NDUFAF6: variants seen among roughly 807,000 people sequenced by gnomAD.
NDUFAF6 encodes NADH:ubiquinone oxidoreductase complex assembly factor 6, also known as NADH dehydrogenase (ubiquinone) complex I, assembly factor 6.
In NDUFAF6, 45 loss-of-function variants were observed where a neutral mutation model predicts 40.8. The ratio of observed to expected loss-of-function variants is 1.10; its 90% CI spans 0.87 to 1.42. The LOEUF is 1.42. Among genes scored for constraint, NDUFAF6 ranks in the 40% most tolerant of loss-of-function variants. The probability of loss-of-function intolerance (pLI) is 0.00; values close to 1 mark genes in which losing one functional copy is unlikely to be tolerated. For missense variants in NDUFAF6, 435 were observed against 418.5 expected (o/e 1.04, Z -0.34); for synonymous variants, 185 against 155.9 (o/e 1.19, Z -1.39).
intron 1 of NDUFAF6, among the ~76,000 whole-genome samples, chr8:94,931,141 C>T (rs1480763796): frequency 1.8e-4 from 28 of 152,094 alleles, no homozygotes; most frequent in Non-Finnish European, 5.9e-5. Flanking sequence ...TATTTTAATT[C>T]CCAAATTTTA....
chr8:95,057,947 A>T lies in NDUFAF6; in HGVS notation c.*10A>T. The stretch of plus-strand genomic sequence containing the variant: ...GAGAAAAACATATTAAAATAATTTC[A>T]TGGCATTGATGTTAATTCTAGTCTA... On this transcript the variant is annotated 3_prime_UTR_variant, in exon 9 of 9. Coordinates refer to ENST00000396124, the MANE Select transcript of NDUFAF6 (RefSeq NM_152416.4). 6.6e-7 allele frequency: 1 copy of T among 1,516,950 alleles called. No homozygotes were observed. Among genetic ancestry groups the T allele is most frequent in the Non-Finnish European group, 9.1e-7 (1 of 1,093,446 alleles). The allele number at this position is 1,516,950 out of a possible 1,614,324, so 94.0% of individuals were successfully genotyped here. A position where few individuals can be genotyped will look rare whatever the true frequency, so the allele number is the denominator to read the frequency against.
intron 2 of NDUFAF6, among the ~76,000 whole-genome samples, chr8:95,032,370 G>T (rs1828955952): frequency 6.6e-6 from 1 of 152,142 alleles, no homozygotes; most frequent in Non-Finnish European, 1.5e-5. Context: ...TTGCACATTT[G>T]TCTGCTAATT....
At chr8:94,968,376 A>G (rs1005902933) in intron 1 of NDUFAF6, among the ~76,000 whole-genome samples, 3 of 152,216 alleles carry the variant, frequency 2.0e-5, no homozygotes, top group Non-Finnish European at 4.4e-5. Context: ...CAGGGGTGAT[A>G]AGTGCTAGGA....
At position 95,086,768 on chromosome 8, in the gene NDUFAF6, A is replaced by C. The variant is rs1336984850; in HGVS notation, n.213+11016A>C. Among the ~76,000 whole-genome samples the C allele has an allele frequency of 2.0e-5, 3 of 151,312 alleles. No homozygotes were observed. In the East Asian group the frequency reaches 5.8e-4, roughly 29 times the overall value. On this transcript the variant is annotated intron_variant and non_coding_transcript_variant, in intron 2 of 5. Coordinates refer to the NDUFAF6 transcript ENST00000523184. The stretch of plus-strand genomic sequence containing the variant: ...AGGCGCCCCCCACCACGCCCGGCTA[A>C]TTTTTTTTGTATTTTTAGTAGAGAC...
intron 1 of NDUFAF6, among the ~76,000 whole-genome samples, chr8:94,921,515 A>T (rs1297376752): frequency 6.6e-6 from 1 of 152,214 alleles, no homozygotes; most frequent in Admixed American, 6.5e-5. Context: ...CCTAGAAGAA[A>T]ATTGGGATAC....
intron 2 of NDUFAF6, among the ~76,000 whole-genome samples, chr8:95,011,083 GC>G (rs1288563400): frequency 6.6e-6 from 1 of 152,174 alleles, no homozygotes; most frequent in Non-Finnish European, 1.5e-5. Flanking sequence ...CAAAGCTGAT[GC>G]TAGTCCTTAG....
intron 1 of NDUFAF6, among the ~76,000 whole-genome samples, chr8:94,914,743 C>A (rs987678433): frequency 6.6e-6 from 1 of 151,918 alleles, no homozygotes; most frequent in East Asian, 1.9e-4. Context: ...ATGGTGAAAC[C>A]CCGTCTCTAC....
At chr8:95,075,649 A>T (rs746299832) in exon 10 of NDUFAF6, 1 of 1,288,360 alleles carries the variant, frequency 7.8e-7, no homozygotes, top group African/African-American at 1.5e-5. Flanking sequence ...AAGGATGCAG[A>T]CACTCAGGGC....
chr8:94,929,144 A>G (rs1170690094), intron 1 of NDUFAF6: 1 of 152,640 alleles, frequency 6.6e-6, no homozygotes, highest in African/African-American at 2.4e-5. Context: ...AACACTGTGA[A>G]GAACAGCTGT....
chr8:94,909,461 C>T (rs1401062922), intron 1 of NDUFAF6, among the ~76,000 whole-genome samples: 1 of 146,402 alleles, frequency 6.8e-6, no homozygotes, highest in African/African-American at 2.6e-5. Context: ...CCCGTCTGTA[C>T]TAAAAATACA....
At chr8:95,100,051 A>T (rs10093559), upstream of NDUFAF6, among the ~76,000 whole-genome samples, 34,587 of 152,042 alleles carry the variant, frequency 0.23, 4,947 homozygotes, top group African/African-American at 0.41. Context: ...GAGTTGAACA[A>T]GGATTAGCCT....
At chr8:95,101,750 A>G (rs926642540) in intron 2 of NDUFAF6, among the ~76,000 whole-genome samples, 3 of 152,176 alleles carry the variant, frequency 2.0e-5, no homozygotes, top group Admixed American at 1.3e-4. Flanking sequence ...GGCTTCTGTA[A>G]TCAGGATTCT....
rs529002970 is a variant in NDUFAF6, at chr8:95,035,691, T to C, written c.420+115T>C. On this transcript the variant is annotated intron_variant, in intron 3 of 8. Coordinates refer to ENST00000396124, the MANE Select transcript of NDUFAF6 (RefSeq NM_152416.4). ...GTGGAATCTATTCTGAAAATATTCT[T>C]AGGCTTATGTATTCAGAGCTGTTAT... The C allele has an allele frequency of 7.0e-5, 73 of 1,043,526 alleles. No individual in the cohort carries two copies. In the African/African-American group the frequency reaches 1.1e-3, roughly 15 times the overall value. 64.6% of individuals were successfully genotyped at this position (1,043,526 alleles called of 1,614,324 possible).
chr8:95,011,553 T>A (rs1827227720), intron 2 of NDUFAF6, among the ~76,000 whole-genome samples: 1 of 152,192 alleles, frequency 6.6e-6, no homozygotes, highest in African/African-American at 2.4e-5. Context: ...AATATGAGAA[T>A]GTTACTGCCC....
chr8:94,900,481 A>G (rs1817944554), intron 1 of NDUFAF6, among the ~76,000 whole-genome samples: 1 of 152,042 alleles, frequency 6.6e-6, no homozygotes, highest in South Asian at 2.1e-4. Context: ...GGGCCCTTAA[A>G]AAGGAAGGCA....
upstream of NDUFAF6, among the ~76,000 whole-genome samples, chr8:94,954,061 TTTTTG>T (rs1261478619): frequency 2.6e-5 from 4 of 152,172 alleles, no homozygotes; most frequent in Non-Finnish European, 5.9e-5. Flanking sequence ...AAGATGAATT[TTTTTG>T]TTTTGTTTTT....
chr8:95,081,152 T>C (rs1233841350), downstream of NDUFAF6, among the ~76,000 whole-genome samples: 1 of 5,154 alleles, frequency 1.9e-4, no homozygotes, highest in East Asian at 0.25. Flanking sequence ...TCTTTTTTTT[T>C]TTTTTTTTTT....
intron 1 of NDUFAF6, among the ~76,000 whole-genome samples, chr8:95,031,338 C>A (rs1214943032): frequency 1.3e-5 from 2 of 152,186 alleles, no homozygotes; most frequent in Non-Finnish European, 2.9e-5. Flanking sequence ...CTCTGCCTTT[C>A]TGTATATCTG....
At chr8:94,899,861 G>A (rs1218571318) in intron 1 of NDUFAF6, among the ~76,000 whole-genome samples, 3 of 151,962 alleles carry the variant, frequency 2.0e-5, no homozygotes, top group African/African-American at 7.3e-5. Context: ...CTGTACCTCC[G>A]CTTGGATTAA....
Sources: gnomAD v4.1 joint callset for allele counts (sites outside exome capture counted in the v4.1 genomes callset) on GRCh38, gnomAD v4.1.1 for gene constraint, MANE v1.5 for transcripts, NCBI Gene and HGNC (gene_info 2026-07-23, HGNC 2026-07-21) for gene names.